Variants in STX8 observed in about 807,000 individuals in gnomAD.
The protein encoded by STX8 is syntaxin 8.
In STX8, 23 loss-of-function variants were observed where a neutral mutation model predicts 37.5. That is an observed-to-expected ratio of 0.61 (90% CI 0.44 to 0.87). The LOEUF is 0.87. Among genes scored for constraint, STX8 ranks in the 40% least tolerant of loss-of-function variants. STX8 has a pLI of 0.00. For synonymous variants in STX8, 115 were observed against 99.1 expected (o/e 1.16, Z -0.95); for missense variants, 313 against 284.7 (o/e 1.10, Z -0.71).
chr17:9,529,853 G>A (rs934740945), intron 4 of STX8, among the ~76,000 whole-genome samples: 10 of 152,240 alleles, frequency 6.6e-5, no homozygotes, highest in South Asian at 4.1e-4. Context: ...AAACAGAGAC[G>A]CCTGTAGTCT....
intron 6 of STX8, among the ~76,000 whole-genome samples, chr17:9,462,065 G>C (rs1003042402): frequency 3.3e-5 from 5 of 152,144 alleles, no homozygotes; most frequent in Admixed American, 2.0e-4. Context: ...GTTGCCCGCC[G>C]CTCACCTCCT....
intron 4 of STX8, among the ~76,000 whole-genome samples, chr17:9,522,372 A>C (rs189015956): frequency 6.6e-6 from 1 of 152,096 alleles, no homozygotes; most frequent in African/African-American, 2.4e-5. Flanking sequence ...AACACAATGC[A>C]CTGGTTCTCA....
At chr17:9,323,843 T>A (rs993080606) in intron 7 of STX8, among the ~76,000 whole-genome samples, 6 of 151,994 alleles carry the variant, frequency 3.9e-5, no homozygotes, top group Non-Finnish European at 8.8e-5. Context: ...AACGGGACAA[T>A]GAGGACCAGA....
At chr17:9,397,268 T>C (rs1027973510) in intron 6 of STX8, among the ~76,000 whole-genome samples, 3 of 152,024 alleles carry the variant, frequency 2.0e-5, no homozygotes, top group African/African-American at 7.2e-5. Flanking sequence ...TGGTGGCGGG[T>C]GCCTGTAATC....
chr17:9,445,405 C>T (rs1265638099), intron 6 of STX8, among the ~76,000 whole-genome samples: 1 of 148,488 alleles, frequency 6.7e-6, no homozygotes, highest in African/African-American at 2.5e-5. Flanking sequence ...TTGTTAACAC[C>T]ACTCAGAGGT....
chr17:9,378,721 T>G, intron 6 of STX8, 68 bp from the exon 7 acceptor site: 1 of 1,181,924 alleles, frequency 8.5e-7, no homozygotes. Context: ...ATCACAGCTG[T>G]GGTTGTTCAT....
chr17:9,515,174 C>T (rs957605542), intron 4 of STX8, among the ~76,000 whole-genome samples: 3 of 152,120 alleles, frequency 2.0e-5, no homozygotes, highest in South Asian at 2.1e-4. Context: ...TGTCTAATGT[C>T]GTACTTGGAA....
chr17:9,363,924 T>C (rs938161001), intron 7 of STX8, among the ~76,000 whole-genome samples: 121 of 152,308 alleles, frequency 7.9e-4, no homozygotes, highest in African/African-American at 2.7e-3. Context: ...TTTCCAATTT[T>C]GCACTTCTCT....
chr17:9,488,204 T>C (rs548684039), intron 6 of STX8, among the ~76,000 whole-genome samples: 1 of 152,180 alleles, frequency 6.6e-6, no homozygotes, highest in East Asian at 1.9e-4. Context: ...CAGGCGCCTG[T>C]AATCCCAGCT....
chr17:9,253,135 T>G (rs2142116505), intron 7 of STX8, among the ~76,000 whole-genome samples: 1 of 152,210 alleles, frequency 6.6e-6, no homozygotes, highest in East Asian at 1.9e-4. Flanking sequence ...TGCATTAACA[T>G]TTGTGGGTGG....
At chr17:9,290,475 C>T (rs1039238674) in intron 7 of STX8, among the ~76,000 whole-genome samples, 7 of 152,150 alleles carry the variant, frequency 4.6e-5, no homozygotes, top group Non-Finnish European at 7.3e-5. Flanking sequence ...TGCGCGTATA[C>T]GCACAAACAC....
chr17:9,294,719 C>T (rs767830764), intron 7 of STX8, among the ~76,000 whole-genome samples: 3 of 152,122 alleles, frequency 2.0e-5, no homozygotes, highest in Non-Finnish European at 4.4e-5. Context: ...CGTATCACCC[C>T]AACATTCATA....
chr17:9,322,831 A>AAAG (rs1909623958), intron 7 of STX8, among the ~76,000 whole-genome samples: 1 of 150,594 alleles, frequency 6.6e-6, no homozygotes, highest in African/African-American at 2.4e-5. Context: ...AAAAAAAAAA[A>AAAG]AAAAAAAAAG....
rs558171026 is a variant in STX8 at position 9,403,985 on chromosome 17, C to T, written c.542-25332G>A. Reference sequence around the variant, plus strand: ...TTGACTCCCCCAAAACTTAACTAACCGTCTACTGTTAACTGAAAGCCTTAC... The same window carrying T: ...TTGACTCCCCCAAAACTTAACTAACTGTCTACTGTTAACTGAAAGCCTTAC... On this transcript the variant is annotated intron_variant, in intron 6 of 7. Transcript: ENST00000306357. Among the ~76,000 whole-genome samples the T allele has an allele frequency of 2.3e-4, 35 of 152,168 alleles. No homozygotes were observed. The South Asian group carries it at 5.0e-3, about 22-fold the overall frequency.
rs938853297 is a variant in STX8 at position 9,540,457 on chromosome 17, T to C, written c.323+4715A>G. 2.6e-5 allele frequency among the ~76,000 whole-genome samples: 4 copies of C among 152,188 alleles called. 1 individual carries two copies. The highest frequency in any genetic ancestry group is 2.0e-4 in the Admixed American group (3 of 15,278). The stretch of plus-strand genomic sequence containing the variant: ...ATGCGGACATGTTCCCGTTACGGTG[T>C]TGGGTCTAAAGCAATCCTAGCCCAA... On this transcript the variant is annotated intron_variant, in intron 4 of 7. Transcript: ENST00000306357.
intron 6 of STX8, among the ~76,000 whole-genome samples, chr17:9,468,721 C>G (rs1484719472): frequency 6.6e-6 from 1 of 152,194 alleles, no homozygotes; most frequent in Non-Finnish European, 1.5e-5. Flanking sequence ...GCCCAAGGAC[C>G]CGGCCTTCCC....
chr17:9,257,329 C>T (rs764513285), intron 7 of STX8, among the ~76,000 whole-genome samples: 1 of 152,142 alleles, frequency 6.6e-6, no homozygotes, highest in Admixed American at 6.5e-5. Context: ...TCTGAAGACT[C>T]GTCATCTGGA....
chr17:9,328,429 T>G (rs754802900), intron 7 of STX8, among the ~76,000 whole-genome samples: 4 of 152,174 alleles, frequency 2.6e-5, no homozygotes, highest in Non-Finnish European at 5.9e-5. Flanking sequence ...TGCTACACTT[T>G]GGGTCATCGT....
chr17:9,415,885 A>G (rs1288276077), intron 6 of STX8, among the ~76,000 whole-genome samples: 1 of 152,222 alleles, frequency 6.6e-6, no homozygotes, highest in Non-Finnish European at 1.5e-5. Flanking sequence ...AAATCCCAAA[A>G]TAACATACTA....
Sources: gnomAD v4.1 joint callset for allele counts (sites outside exome capture counted in the v4.1 genomes callset) on GRCh38, gnomAD v4.1.1 for gene constraint, MANE v1.5 for transcripts, NCBI Gene and HGNC (gene_info 2026-07-23, HGNC 2026-07-21) for gene names.